The following ICAM2 variants were observed in gnomAD, a reference collection of about 807,000 sequenced individuals.
ICAM2 encodes ICAM-2.
Under a neutral mutation model 19.1 loss-of-function variants are expected in ICAM2, and 14 were observed. The observed-to-expected ratio is 0.73, with a 90% confidence interval of 0.48 to 1.15. The LOEUF (loss-of-function observed/expected upper bound fraction) is 1.15, where lower values mean the gene tolerates loss of function less well. Among genes scored for constraint, ICAM2 ranks in the 50% most tolerant of loss-of-function variants. ICAM2 has a pLI of 0.00. For missense variants in ICAM2, 311 were observed against 355.4 expected, an observed-to-expected ratio of 0.88 and a Z score of 1.00; for synonymous variants, 153 against 152.7, an observed-to-expected ratio of 1.00 and a Z score of -0.01.
At chr17:64,011,142 G>A (rs999636263) in intron 1 of ICAM2, among the ~76,000 whole-genome samples, 2 of 152,278 alleles carry the variant, frequency 1.3e-5, no homozygotes, top group East Asian at 3.9e-4. Context: ...ATGGGCAAAG[G>A]ACCTGAGCAG....
chr17:64,009,668 G>A (rs1422528134), intron 1 of ICAM2, among the ~76,000 whole-genome samples: 4 of 148,424 alleles, frequency 2.7e-5, no homozygotes, highest in African/African-American at 1.0e-4. Context: ...AGAGCTTGCA[G>A]CACACTCAAC....
rs112468568 is a variant in ICAM2 at position 64,013,507 on chromosome 17, G to GAAA, written c.-44-6775_-44-6773dup. Reference sequence around the variant, plus strand: ...TAGGGTGAGTTCCTATCTCAAAAAAGAAAAAAAAAATACTAAAACACAAAG... The same window carrying GAAA: ...TAGGGTGAGTTCCTATCTCAAAAAAGAAAAAAAAAAAAATACTAAAACACAAAG... On this transcript the variant is annotated intron_variant, in intron 1 of 4. Transcript: ENST00000579788. Among the ~76,000 whole-genome samples, 8 of 145,254 alleles carry GAAA rather than the reference G, an allele frequency of 5.5e-5. 1 individual carries two copies. Among genetic ancestry groups the GAAA allele is most frequent in the African/African-American group, 2.0e-4 (8 of 39,702 alleles).
intron 1 of ICAM2, among the ~76,000 whole-genome samples, chr17:64,013,194 CT>C (rs2143229512): frequency 6.6e-6 from 1 of 152,238 alleles, no homozygotes; most frequent in South Asian, 2.1e-4. Flanking sequence ...TGCCTGTGGT[CT>C]CAGCTACTCA....
At position 64,003,650 on chromosome 17, in the gene ICAM2, T is replaced by G. The variant is rs756792236; in HGVS notation, c.643A>C (p.Ile215Leu). 2 of 1,612,840 alleles carry G rather than the reference T, an allele frequency of 1.2e-6. No individual in the cohort carries two copies. The highest frequency in any genetic ancestry group is 2.2e-5 in the South Asian group (2 of 90,888). Residue 215 changes from isoleucine to leucine, a missense_variant, in exon 4 of 5, where the codon ATC becomes CTC. Transcript: ENST00000579788. ...TCCACGGATCCCCCCTCACCATAGA[T>G]CTCCAACATCTTCGGGGCTGAGTGT... ...HKHSAPKMLEIYEPVSDSQMV... is the reference protein window; with the variant it reads ...HKHSAPKMLELYEPVSDSQMV...
In ICAM2 at chr17:64,014,667, GAGAA is replaced by G. The variant is rs1208533909; in HGVS notation, c.-45+5852_-45+5855del. 6.0e-4 allele frequency among the ~76,000 whole-genome samples: 75 copies of G among 125,144 alleles called. 1 individual carries two copies. Among genetic ancestry groups the G allele is most frequent in the African/African-American group, 2.3e-3 (66 of 29,230 alleles). The allele number at this position is 125,144 out of a possible 152,430, so 82.1% of individuals were successfully genotyped here. ...AGAGAGAGAAAGAAAGGAAGAAAGA[GAGAA>G]AGAAAGAAAGGAAGGAAGGAAGGAA... On this transcript the variant is annotated intron_variant, in intron 1 of 4. Coordinates refer to ENST00000579788, the MANE Select transcript of ICAM2 (RefSeq NM_001099789.2).
Position 64,002,718 on chromosome 17 carries a change from C to A in ICAM2, c.*29G>T, listed in dbSNP as rs532494644. On this transcript the variant is annotated 3_prime_UTR_variant, in exon 5 of 5. Coordinates refer to ENST00000579788, the MANE Select transcript of ICAM2 (RefSeq NM_001099789.2). ...AGTCACACTGAGTTCCAGTGACCAC[C>A]GTGGTGGTGGCCATGCCACTCATGG... 1.3e-6 allele frequency: 2 copies of A among 1,599,138 alleles called. No homozygotes were observed. Among genetic ancestry groups the A allele is most frequent in the Non-Finnish European group, 1.7e-6 (2 of 1,172,916 alleles).
At chr17:64,013,218 A>G (rs746631486) in intron 1 of ICAM2, among the ~76,000 whole-genome samples, 1 of 152,176 alleles carries the variant, frequency 6.6e-6, no homozygotes, top group Non-Finnish European at 1.5e-5. Context: ...AGGCTGAGGC[A>G]TGAGAATTGC....
At position 64,006,740 on chromosome 17, in the gene ICAM2, A is replaced by C; in HGVS notation, c.-44-5T>G. On this transcript the variant is annotated splice_region_variant and splice_polypyrimidine_tract_variant and intron_variant, in intron 1 of 4. Coordinates refer to ENST00000579788, the MANE Select transcript of ICAM2 (RefSeq NM_001099789.2). ...CAGGGACCAGCCAAGGGCTGCCTGG[A>C]GGGAGATGGTGGGCGCAGGTCTGAG... 5 of 1,572,674 alleles carry C rather than the reference A, an allele frequency of 3.2e-6. 1 individual carries two copies. Among genetic ancestry groups the C allele is most frequent in the Non-Finnish European group, 4.4e-6 (5 of 1,142,954 alleles).
At chr17:64,006,759 G>T in intron 1 of ICAM2, 24 bp from the exon 2 acceptor site, 1 of 1,426,962 alleles carries the variant, frequency 7.0e-7, no homozygotes, top group Non-Finnish European at 9.9e-7. Context: ...GTGGGCGCAG[G>T]TCTGAGCTAT....
At chr17:64,005,446 GGC>G in intron 2 of ICAM2, 73 bp from the exon 3 acceptor site, 8 of 1,520,584 alleles carry the variant, frequency 5.3e-6, no homozygotes, top group Non-Finnish European at 7.2e-6. Context: ...TGTCCATTGA[GGC>G]AGTCTGGCTC....
At chr17:64,005,082 A>G (rs750552101) in intron 3 of ICAM2, 25 bp downstream of exon 3, 2 of 1,611,986 alleles carry the variant, frequency 1.2e-6, no homozygotes, top group East Asian at 2.2e-5. Flanking sequence ...AGGGGAGAGG[A>G]GGGCCCCGCA....
Position 64,002,824 on chromosome 17 carries a change from G to A in ICAM2, c.751C>T (p.His251Tyr). ...GTGCCCATCCGCTGCTGGCGCAAGT[G>A]CTGGCCGAAGATGAAGCAGAGCAGG... Reference protein sequence around the residue: ...SVLLCFIFGQHLRQQRMGTYG... With the variant: ...SVLLCFIFGQYLRQQRMGTYG... The change falls in exon 5 of 5, where the codon CAC (histidine) becomes TAC (tyrosine). Residue 251 changes from histidine to tyrosine, a missense_variant. Physicochemically the swap from His to Tyr is moderately conservative, Grantham distance 83. Coordinates refer to ENST00000579788, the MANE Select transcript of ICAM2 (RefSeq NM_001099789.2). 1 of 1,613,932 alleles carries A rather than the reference G, an allele frequency of 6.2e-7. No individual in the cohort carries two copies. Among genetic ancestry groups the A allele is most frequent in the South Asian group, 1.1e-5 (1 of 91,080 alleles).
chr17:64,010,000 A>G (rs1911383862), intron 1 of ICAM2, among the ~76,000 whole-genome samples: 1 of 151,988 alleles, frequency 6.6e-6, no homozygotes, highest in African/African-American at 2.4e-5. Context: ...TATTCCAGTG[A>G]TTTTATCCCC....
chr17:64,014,310 A>AGAAGGAAGGAAG lies in ICAM2; in HGVS notation c.-45+6201_-45+6212dup, dbSNP rs1244436832. ...GCAACATGGTAAGATCACATCTGAA[A>AGAAGGAAGGAAG]GAAGGAAGGAAGGAAGGAAGGAAAG... is the stretch of plus-strand genomic sequence containing the variant. On this transcript the variant is annotated intron_variant, in intron 1 of 4. Transcript: ENST00000579788. Among the ~76,000 whole-genome samples, 106 of 24,160 alleles carry AGAAGGAAGGAAG rather than the reference A, an allele frequency of 4.4e-3. 9 individuals are homozygous for AGAAGGAAGGAAG. Among genetic ancestry groups the AGAAGGAAGGAAG allele is most frequent in the East Asian group, 0.012 (7 of 604 alleles). 15.8% of individuals were successfully genotyped at this position (24,160 alleles called of 152,430 possible). A position where few individuals can be genotyped will look rare whatever the true frequency, so the allele number is the denominator to read the frequency against.
intron 1 of ICAM2, among the ~76,000 whole-genome samples, chr17:64,011,935 A>T (rs1207758853): frequency 6.6e-6 from 1 of 152,236 alleles, no homozygotes; most frequent in African/African-American, 2.4e-5. Flanking sequence ...AAATGAAATG[A>T]AACCAGCATG....
Position 64,003,936 on chromosome 17 carries a change from C to G in ICAM2, c.357G>C (p.Leu119=), listed in dbSNP as rs997090513. 1 of 1,613,490 alleles carries G rather than the reference C, an allele frequency of 6.2e-7. No individual in the cohort carries two copies. Among genetic ancestry groups the G allele is most frequent in the Non-Finnish European group, 8.5e-7 (1 of 1,179,718 alleles). Residue 119 remains leucine, a synonymous_variant, in exon 4 of 5, where the codon CTG becomes CTC. Coordinates refer to ENST00000579788, the MANE Select transcript of ICAM2 (RefSeq NM_001099789.2). Reference sequence around the variant, plus strand: ...TGCCCACAGCCACCAAAGTGGGTTGCAGTGTCAGGATGACCTGCCTTGGAG... The same window carrying G: ...TGCCCACAGCCACCAAAGTGGGTTGGAGTGTCAGGATGACCTGCCTTGGAG... The part of the protein sequence containing the change: ...YQPPRQVILT[L]QPTLVAVGKS...
At position 64,003,638 on chromosome 17, in the gene ICAM2, C is replaced by G; in HGVS notation, c.649+6G>C. 6.2e-7 allele frequency: 1 copy of G among 1,609,562 alleles called. No homozygotes were observed. Among genetic ancestry groups the G allele is most frequent in the Non-Finnish European group, 8.5e-7 (1 of 1,177,122 alleles). On this transcript the variant is annotated splice_donor_region_variant and intron_variant, in intron 4 of 4. Transcript: ENST00000579788. ...CTCCCAACTCCATCCACGGATCCCC[C>G]CTCACCATAGATCTCCAACATCTTC... is the stretch of plus-strand genomic sequence containing the variant.
chr17:64,008,328 C>T (rs1416499130), intron 1 of ICAM2, among the ~76,000 whole-genome samples: 2 of 152,150 alleles, frequency 1.3e-5, no homozygotes, highest in Non-Finnish European at 2.9e-5. Flanking sequence ...ACTCCTGAAA[C>T]CCAAGCCAGG....
At chr17:64,009,015 C>G (rs887352583) in intron 1 of ICAM2, among the ~76,000 whole-genome samples, 1 of 152,176 alleles carries the variant, frequency 6.6e-6, no homozygotes, top group Non-Finnish European at 1.5e-5. Context: ...TGGGACACAC[C>G]GGGCATGTGA....
Sources: gnomAD v4.1 joint callset for allele counts (sites outside exome capture counted in the v4.1 genomes callset) on GRCh38, gnomAD v4.1.1 for gene constraint, MANE v1.5 for transcripts, NCBI Gene and HGNC (gene_info 2026-07-23, HGNC 2026-07-21) for gene names.